The following UGGT2 variants were observed in gnomAD, a reference collection of about 807,000 sequenced individuals.
The protein encoded by UGGT2 is UDP-glucose glycoprotein glucosyltransferase 2.
In UGGT2, 180 loss-of-function variants were observed where a neutral mutation model predicts 192.1. The ratio of observed to expected loss-of-function variants is 0.94; its 90% confidence interval spans 0.83 to 1.06. UGGT2 has a LOEUF of 1.06. Ranked by LOEUF, UGGT2 falls within the 50% of genes least tolerant of loss-of-function variation. The pLI is 0.00. For missense variants in UGGT2, 1,849 were observed against 1,795.7 expected (o/e 1.03, Z -0.54); for synonymous variants, 580 against 591.0 (o/e 0.98, Z 0.27).
chr13:95,934,346 T>C (rs1402104929), intron 17 of UGGT2, among the ~76,000 whole-genome samples: 1 of 152,200 alleles, frequency 6.6e-6, no homozygotes, highest in African/African-American at 2.4e-5. Context: ...CTGTGGCTGA[T>C]GGGTGGAATG....
At chr13:95,963,183 G>T (rs536348493) in intron 12 of UGGT2, among the ~76,000 whole-genome samples, 1 of 151,980 alleles carries the variant, frequency 6.6e-6, no homozygotes, top group East Asian at 1.9e-4. Flanking sequence ...AAATCCAAAA[G>T]CATATCAAAA....
intron 29 of UGGT2, among the ~76,000 whole-genome samples, chr13:95,875,663 T>C (rs762251195): frequency 3.3e-5 from 5 of 152,196 alleles, no homozygotes; most frequent in Non-Finnish European, 5.9e-5. Context: ...TATTAATTCT[T>C]CAATTTTCTT....
Position 96,053,332 on chromosome 13 carries a change from G to C in UGGT2, c.-20C>G. 1 of 1,578,096 alleles carries C rather than the reference G, an allele frequency of 6.3e-7. No individual in the cohort carries two copies. The highest frequency in any genetic ancestry group is 8.5e-7 in the Non-Finnish European group (1 of 1,171,742). The stretch of plus-strand genomic sequence containing the variant: ...CGCCATGGCACGGAGAGAAAAGCGC[G>C]AGTCCCTCGGACCCGGTACCCACAG... On this transcript the variant is annotated 5_prime_UTR_variant, in exon 1 of 39. Coordinates refer to ENST00000376747, the MANE Select transcript of UGGT2 (RefSeq NM_020121.4).
intron 20 of UGGT2, among the ~76,000 whole-genome samples, chr13:95,923,243 G>A (rs567004234): frequency 1.3e-5 from 2 of 152,244 alleles, no homozygotes; most frequent in South Asian, 4.2e-4. Context: ...ATTTTTTTTA[G>A]AGACAGAGTC....
intron 16 of UGGT2, 55 bp downstream of exon 16, chr13:95,939,899 TGTG>T: frequency 7.5e-7 from 1 of 1,339,020 alleles, no homozygotes; most frequent in South Asian, 1.3e-5. Context: ...GTAGAGATCA[TGTG>T]GTGTTTGTCT....
At chr13:95,826,903 G>T (rs1450503132) in intron 38 of UGGT2, among the ~76,000 whole-genome samples, 1 of 151,838 alleles carries the variant, frequency 6.6e-6, no homozygotes, top group Non-Finnish European at 1.5e-5. Context: ...CAAAAAAGAA[G>T]AGTAATAAGG....
chr13:95,921,795 T>C (rs1232507689), intron 20 of UGGT2, among the ~76,000 whole-genome samples: 1 of 152,102 alleles, frequency 6.6e-6, no homozygotes, highest in Non-Finnish European at 1.5e-5. Context: ...GCTCGCAAGG[T>C]TGCAGAGAAA....
intron 22 of UGGT2, among the ~76,000 whole-genome samples, chr13:95,899,287 G>T (rs1011762426): frequency 6.6e-6 from 1 of 152,170 alleles, no homozygotes; most frequent in Non-Finnish European, 1.5e-5. Context: ...TTTTATAGCA[G>T]CATAAACATA....
intron 25 of UGGT2, among the ~76,000 whole-genome samples, chr13:95,888,571 C>A (rs1320202180): frequency 6.6e-6 from 1 of 152,038 alleles, no homozygotes; most frequent in Admixed American, 6.6e-5. Context: ...AGGATACAGG[C>A]TTGATGAGAA....
At chr13:96,033,474 C>T (rs1208530079) in intron 1 of UGGT2, among the ~76,000 whole-genome samples, 1 of 152,032 alleles carries the variant, frequency 6.6e-6, no homozygotes, top group Non-Finnish European at 1.5e-5. Context: ...CAGGTAGGAG[C>T]CCATGCCTCC....
At position 95,979,655 on chromosome 13, in the gene UGGT2, A is replaced by G. The variant is rs867628565; in HGVS notation, c.1092+4149T>C. Among the ~76,000 whole-genome samples, 3 of 151,926 alleles carry G rather than the reference A, an allele frequency of 2.0e-5. 1 individual carries two copies. In the Middle Eastern group the frequency reaches 0.01, roughly 517 times the overall value. On this transcript the variant is annotated intron_variant, in intron 10 of 38. Coordinates refer to ENST00000376747, the MANE Select transcript of UGGT2 (RefSeq NM_020121.4). Reference sequence around the variant, plus strand: ...TGTATTCTTCTTATTATGAGTAAGGAAAGATTGTTATTATGTATTTAAAGA... The same window carrying G: ...TGTATTCTTCTTATTATGAGTAAGGGAAGATTGTTATTATGTATTTAAAGA...
At chr13:95,854,262 G>A (rs1889352599) in intron 35 of UGGT2, 53 bp downstream of exon 35, 1 of 1,520,884 alleles carries the variant, frequency 6.6e-7, no homozygotes, top group Non-Finnish European at 8.8e-7. Context: ...ACTGAAAGTT[G>A]CAATTCAATA....
chr13:96,035,179 A>G (rs1320554322), intron 1 of UGGT2, among the ~76,000 whole-genome samples: 3 of 152,242 alleles, frequency 2.0e-5, no homozygotes, highest in Admixed American at 6.5e-5. Context: ...ACAAGGTTAC[A>G]GTAACCAATA....
At chr13:95,922,235 T>C (rs1355175384) in intron 20 of UGGT2, among the ~76,000 whole-genome samples, 1 of 152,200 alleles carries the variant, frequency 6.6e-6, no homozygotes, top group African/African-American at 2.4e-5. Context: ...TTCTCACTTA[T>C]GTGGGAGCTA....
intron 38 of UGGT2, among the ~76,000 whole-genome samples, chr13:95,804,649 T>TC (rs1250981402): frequency 1.3e-5 from 2 of 152,140 alleles, no homozygotes; most frequent in African/African-American, 4.8e-5. Flanking sequence ...GTGTATATGA[T>TC]CAATTCATCT....
chr13:96,002,369 T>C (rs1288386249), intron 5 of UGGT2, among the ~76,000 whole-genome samples: 3 of 152,262 alleles, frequency 2.0e-5, no homozygotes, highest in Non-Finnish European at 4.4e-5. Context: ...TCTTCTTTTA[T>C]ATTTATCTTT....
At chr13:95,827,659 ATATAC>A (rs1249943052) in intron 38 of UGGT2, among the ~76,000 whole-genome samples, 1 of 152,146 alleles carries the variant, frequency 6.6e-6, no homozygotes, top group Admixed American at 6.5e-5. Flanking sequence ...ATTATAAAAG[ATATAC>A]TATATCTCAA....
intron 1 of UGGT2, among the ~76,000 whole-genome samples, chr13:96,048,361 A>T (rs2053381380): frequency 6.6e-6 from 1 of 152,218 alleles, no homozygotes. Context: ...TTATAGCACT[A>T]AATGTCCACA....
At chr13:95,867,294 T>G in intron 30 of UGGT2, 45 bp downstream of exon 30, 1 of 1,436,328 alleles carries the variant, frequency 7.0e-7, no homozygotes, top group East Asian at 2.4e-5. Flanking sequence ...AAGATAATTC[T>G]TAATATTAAG....
Sources: allele counts gnomAD v4.1 joint callset (sites outside exome capture counted in the v4.1 genomes callset), GRCh38; gene constraint gnomAD v4.1.1; transcripts MANE v1.5; gene names NCBI Gene and HGNC (gene_info 2026-07-23, HGNC 2026-07-21).